RGS6: variants seen among roughly 807,000 people sequenced by gnomAD.
RGS6 encodes regulator of G protein signaling 6, also known as regulator of G-protein signaling 6.
RGS6 carries 30 observed loss-of-function variants against 78.5 expected under a neutral mutation model. The observed-to-expected ratio is 0.38, with a 90% CI of 0.29 to 0.52. The LOEUF (loss-of-function observed/expected upper bound fraction) is 0.52. Ranked by LOEUF, RGS6 falls within the 20% of genes least tolerant of loss-of-function variation. The pLI, the probability that RGS6 is intolerant of heterozygous loss-of-function variation, is 0.85. For synonymous variants in RGS6, 206 were observed against 206.0 expected, an observed-to-expected ratio of 1.00 and a Z score of 0.00; for missense variants, 495 against 609.7, an observed-to-expected ratio of 0.81 and a Z score of 1.98.
chr14:71,891,931 C>T, the RGS6 span, among the ~76,000 whole-genome samples: 1 of 152,110 alleles, frequency 6.6e-6, no homozygotes, highest in African/African-American at 2.4e-5. Flanking sequence ...TAGCTCTAAT[C>T]AGTTAACAGA....
chr14:71,877,647 T>G, the RGS6 span, among the ~76,000 whole-genome samples: 1 of 152,246 alleles, frequency 6.6e-6, no homozygotes, highest in Admixed American at 6.5e-5. Context: ...CAGAGAAGTT[T>G]GTTATTACCG....
At chr14:72,016,365 ATGTT>A (rs1281265557) in intron 2 of RGS6, among the ~76,000 whole-genome samples, 2 of 151,666 alleles carry the variant, frequency 1.3e-5, no homozygotes, top group African/African-American at 4.9e-5. Context: ...TTTTATTTTT[ATGTT>A]TATTTTTATT....
At chr14:71,872,880 G>A in the RGS6 span, among the ~76,000 whole-genome samples, 1 of 152,184 alleles carries the variant, frequency 6.6e-6, no homozygotes, top group African/African-American at 2.4e-5. Context: ...CTATGAGTGA[G>A]AACATGCGGT....
chr14:72,544,840 A>G (rs2097370784), intron 17 of RGS6, among the ~76,000 whole-genome samples: 1 of 152,158 alleles, frequency 6.6e-6, no homozygotes, highest in African/African-American at 2.4e-5. Context: ...ATCCCCCTCC[A>G]GGCAGCTCTG....
chr14:72,499,261 G>C, intron 13 of RGS6, among the ~76,000 whole-genome samples: 1 of 152,198 alleles, frequency 6.6e-6, no homozygotes, highest in Non-Finnish European at 1.5e-5. Context: ...TTTTTTCTCT[G>C]TGTGTGTGCT....
intron 2 of RGS6, among the ~76,000 whole-genome samples, chr14:72,125,555 C>T (rs905596060): frequency 1.3e-5 from 2 of 151,878 alleles, no homozygotes; most frequent in African/African-American, 4.8e-5. Context: ...AGCAAGGAGA[C>T]AGGAGAATAG....
chr14:72,192,930 T>G lies in RGS6; in HGVS notation c.85-159165T>G, dbSNP rs561929215. On this transcript the variant is annotated intron_variant, in intron 2 of 17. Coordinates refer to ENST00000553525, the MANE Select transcript of RGS6 (RefSeq NM_001204424.2). ...ATCAGTATAAGGACCCAAAACACCA[T>G]CTAAATGGCTTCATCCAGCCATGGC... is the stretch of plus-strand genomic sequence containing the variant. Among the ~76,000 whole-genome samples the G allele has an allele frequency of 1.1e-3, 164 of 151,908 alleles. 1 individual carries two copies. Among genetic ancestry groups the G allele is most frequent in the Middle Eastern group, 0.01 (3 of 290 alleles).
chr14:72,422,179 C>T (rs558978911), intron 3 of RGS6, among the ~76,000 whole-genome samples: 1 of 152,198 alleles, frequency 6.6e-6, no homozygotes, highest in Non-Finnish European at 1.5e-5. Flanking sequence ...TGAGGCCTCC[C>T]CAGCCACGTG....
chr14:72,143,268 G>C (rs1488985292), intron 2 of RGS6, among the ~76,000 whole-genome samples: 8 of 152,060 alleles, frequency 5.3e-5, no homozygotes, highest in Admixed American at 5.2e-4. Flanking sequence ...AGCTGCTCGG[G>C]AGGCTGATGC....
chr14:72,228,376 G>C (rs920917354), intron 2 of RGS6, among the ~76,000 whole-genome samples: 1 of 148,624 alleles, frequency 6.7e-6, no homozygotes, highest in Non-Finnish European at 1.5e-5. Context: ...GCGAGACTCT[G>C]TCTCAAAAAA....
chr14:71,988,404 C>T (rs1432678853), intron 2 of RGS6, among the ~76,000 whole-genome samples: 1 of 152,102 alleles, frequency 6.6e-6, no homozygotes, highest in Non-Finnish European at 1.5e-5. Flanking sequence ...CCTTGAGCCT[C>T]AGGATGGTTT....
At chr14:71,896,730 A>G in the RGS6 span, among the ~76,000 whole-genome samples, 2 of 152,218 alleles carry the variant, frequency 1.3e-5, no homozygotes, top group Admixed American at 1.3e-4. Context: ...TTCATCAGGA[A>G]TGGTAATACT....
intron 2 of RGS6, among the ~76,000 whole-genome samples, chr14:72,283,021 T>G (rs1277671710): frequency 6.6e-6 from 1 of 152,214 alleles, no homozygotes; most frequent in South Asian, 2.1e-4. Flanking sequence ...AGTGTGACCA[T>G]GTAGTATTTG....
chr14:72,304,086 C>T (rs1449815146), intron 2 of RGS6, among the ~76,000 whole-genome samples: 1 of 152,222 alleles, frequency 6.6e-6, no homozygotes, highest in African/African-American at 2.4e-5. Context: ...CCTGTAGGAA[C>T]CTGAGGACAC....
intron 17 of RGS6, among the ~76,000 whole-genome samples, chr14:72,557,129 G>A (rs575298930): frequency 1.3e-5 from 2 of 152,310 alleles, no homozygotes; most frequent in African/African-American, 4.8e-5. Flanking sequence ...TGTTGTGGAG[G>A]AACCATAACG....
intron 2 of RGS6, among the ~76,000 whole-genome samples, chr14:72,028,066 T>C (rs1457871946): frequency 6.6e-6 from 1 of 152,226 alleles, no homozygotes; most frequent in African/African-American, 2.4e-5. Flanking sequence ...TGATATTGGA[T>C]TTACAAAGCC....
chr14:72,434,575 T>C (rs1046512277), intron 3 of RGS6, among the ~76,000 whole-genome samples: 2 of 152,184 alleles, frequency 1.3e-5, no homozygotes, highest in Admixed American at 6.5e-5. Flanking sequence ...AGAGGCTTGC[T>C]ATCTTGCCCA....
At chr14:72,422,361 CAT>C (rs556916668) in intron 3 of RGS6, among the ~76,000 whole-genome samples, 66 of 152,052 alleles carry the variant, frequency 4.3e-4, no homozygotes, top group Non-Finnish European at 6.9e-4. Flanking sequence ...TATCAATCAA[CAT>C]ATATAATAAT....
chr14:72,384,730 C>A (rs571099810), intron 3 of RGS6, among the ~76,000 whole-genome samples: 1 of 151,946 alleles, frequency 6.6e-6, no homozygotes, highest in Admixed American at 6.6e-5. Flanking sequence ...TGAGGGGACA[C>A]GGTTTGCATA....
Sources: allele counts gnomAD v4.1 joint callset (sites outside exome capture counted in the v4.1 genomes callset), GRCh38; gene constraint gnomAD v4.1.1; transcripts MANE v1.5; gene names NCBI Gene and HGNC (gene_info 2026-07-23, HGNC 2026-07-21).